The following PIK3R4 variants were observed in gnomAD, a reference collection of about 807,000 sequenced individuals.
PIK3R4 encodes phosphoinositide 3-kinase regulatory subunit 4.
A neutral mutation model predicts 136.5 loss-of-function variants in PIK3R4; 46 were observed. The ratio of observed to expected loss-of-function variants is 0.34; its 90% CI spans 0.27 to 0.43. The LOEUF (loss-of-function observed/expected upper bound fraction) is 0.43. Among genes scored for constraint, PIK3R4 ranks in the 20% least tolerant of loss-of-function variants. PIK3R4 has a pLI of 1.00. For missense variants in PIK3R4, 1,331 were observed against 1,649.5 expected, an observed-to-expected ratio of 0.81 and a Z score of 3.35; for synonymous variants, 557 against 566.7, an observed-to-expected ratio of 0.98 and a Z score of 0.24.
At chr3:130,689,709 C>T (rs1023649802) in intron 14 of PIK3R4, among the ~76,000 whole-genome samples, 1 of 152,200 alleles carries the variant, frequency 6.6e-6, no homozygotes, top group African/African-American at 2.4e-5. Flanking sequence ...CTAACTCACA[C>T]CTGGTCTTGC....
chr3:130,724,224 C>T (rs1472745584), intron 6 of PIK3R4, among the ~76,000 whole-genome samples: 1 of 152,134 alleles, frequency 6.6e-6, no homozygotes, highest in Non-Finnish European at 1.5e-5. Flanking sequence ...CAATTTATTA[C>T]TTTTCTTTCT....
intron 11 of PIK3R4, among the ~76,000 whole-genome samples, chr3:130,706,122 A>G (rs1325656694): frequency 6.6e-6 from 1 of 152,204 alleles, no homozygotes; most frequent in Admixed American, 6.5e-5. Context: ...TTAAGATATG[A>G]CTGACTAGGA....
intron 6 of PIK3R4, among the ~76,000 whole-genome samples, chr3:130,725,023 C>A (rs1467594008): frequency 1.3e-5 from 2 of 151,836 alleles, no homozygotes; most frequent in Non-Finnish European, 2.9e-5. Context: ...TTCTAAAAGC[C>A]TATTTCCTTT....
intron 10 of PIK3R4, 51 bp from the exon 11 acceptor site, chr3:130,707,186 T>C: frequency 1.5e-6 from 2 of 1,311,450 alleles, no homozygotes; most frequent in East Asian, 2.4e-5. Flanking sequence ...TTTAAAACCA[T>C]TATGTGCTTT....
At chr3:130,734,738 TG>T (rs35380557) in intron 3 of PIK3R4, among the ~76,000 whole-genome samples, 45,255 of 152,078 alleles carry the variant, frequency 0.3, 7,844 homozygotes, top group African/African-American at 0.47. Context: ...ATTTATCCTA[TG>T]GTTTTCTAGT....
chr3:130,709,350 T>TA (rs2066622317), intron 9 of PIK3R4, among the ~76,000 whole-genome samples: 1 of 152,082 alleles, frequency 6.6e-6, no homozygotes, highest in Non-Finnish European at 1.5e-5. Flanking sequence ...TGTAAAGGAA[T>TA]AAAAAACATT....
intron 19 of PIK3R4, 193 bp downstream of exon 19, chr3:130,680,420 A>G (rs78231667): frequency 2.4e-6 from 1 of 410,978 alleles, no homozygotes; most frequent in Non-Finnish European, 4.4e-6. Context: ...GCTATTACTT[A>G]TATGCACTTT....
At chr3:130,739,981 C>G (rs1006867222) in intron 2 of PIK3R4, among the ~76,000 whole-genome samples, 2 of 152,148 alleles carry the variant, frequency 1.3e-5, no homozygotes, top group Non-Finnish European at 2.9e-5. Flanking sequence ...CTGGTGAAAA[C>G]TGAGTAAGGG....
chr3:130,709,025 A>G (rs1428101802), intron 9 of PIK3R4, among the ~76,000 whole-genome samples: 1 of 152,158 alleles, frequency 6.6e-6, no homozygotes, highest in East Asian at 1.9e-4. Context: ...TGCAAATGTG[A>G]GCAACAAACC....
intron 17 of PIK3R4, 101 bp downstream of exon 17, chr3:130,681,390 T>C: frequency 2.5e-6 from 2 of 801,982 alleles, no homozygotes; most frequent in Non-Finnish European, 2.1e-6. Context: ...AATTTAAACA[T>C]AACCCAAAAG....
intron 8 of PIK3R4, among the ~76,000 whole-genome samples, chr3:130,717,816 A>G (rs4682631): frequency 0.36 from 54,272 of 152,060 alleles, 12,709 homozygotes; most frequent in African/African-American, 0.66. Context: ...TATCTTGATA[A>G]TTTGCTGTCT....
intron 7 of PIK3R4, among the ~76,000 whole-genome samples, chr3:130,723,121 A>G (rs999256995): frequency 1.3e-5 from 2 of 149,992 alleles, no homozygotes; most frequent in African/African-American, 4.9e-5. Context: ...AAAGAAAGCC[A>G]AAACAAAAAC....
At chr3:130,706,155 C>T (rs1363841841) in intron 11 of PIK3R4, among the ~76,000 whole-genome samples, 1 of 152,140 alleles carries the variant, frequency 6.6e-6, no homozygotes, top group African/African-American at 2.4e-5. Context: ...AAATTACAAA[C>T]TTATTTCAAA....
At chr3:130,702,475 T>C (rs978172744) in intron 13 of PIK3R4, among the ~76,000 whole-genome samples, 1 of 152,166 alleles carries the variant, frequency 6.6e-6, no homozygotes, top group African/African-American at 2.4e-5. Context: ...CTTAAGTAAA[T>C]TTTTAAATTA....
chr3:130,732,313 T>C (rs79206244), intron 4 of PIK3R4, among the ~76,000 whole-genome samples: 2,952 of 152,268 alleles, frequency 0.019, 95 homozygotes, highest in African/African-American at 0.067. Context: ...TGAGTGTCAA[T>C]ATGTTAATAT....
chr3:130,681,115 T>C (rs764746179), intron 17 of PIK3R4, 50 bp from the exon 18 acceptor site: 1 of 985,498 alleles, frequency 1.0e-6, no homozygotes, highest in East Asian at 2.4e-5. Context: ...GTGTATTCCA[T>C]AAATGATAGT....
rs143143934 is a variant in PIK3R4, at chr3:130,717,660, C to T, written c.2127+729G>A. 9.8e-5 allele frequency among the ~76,000 whole-genome samples: 15 copies of T among 152,300 alleles called. No individual in the cohort carries two copies. In the East Asian group the frequency reaches 2.9e-3, roughly 29 times the overall value. ...TCCAGAGTTTATCCAAGGCCATTTT[C>T]TCCAAAGGGAAGGCACATTGAAATA... On this transcript the variant is annotated intron_variant, in intron 8 of 19. Transcript: ENST00000356763.
At position 130,746,448 on chromosome 3, in the gene PIK3R4, G is replaced by A. The variant is rs569126075; in HGVS notation, c.-177C>T. ...TTTCTACGAAGGGTCTTTCTTCATA[G>A]ACAGGAGATGGGCTGTTGGTGGAGG... On this transcript the variant is annotated 5_prime_UTR_variant, in exon 1 of 20. Transcript: ENST00000356763. 2.0e-5 allele frequency: 3 copies of A among 152,402 alleles called. No homozygotes were observed. Among genetic ancestry groups the A allele is most frequent in the East Asian group, 1.9e-4 (1 of 5,186 alleles). 9.4% of individuals were successfully genotyped at this position (152,402 alleles called of 1,614,324 possible). A position where few individuals can be genotyped will look rare whatever the true frequency, so the allele number is the denominator to read the frequency against.
Position 130,723,444 on chromosome 3 carries a change from GT to G in PIK3R4, c.1950del (p.Lys650AsnfsTer33). 1 of 1,605,500 alleles carries G rather than the reference GT, an allele frequency of 6.2e-7. No individual in the cohort carries two copies. On this transcript the variant is annotated frameshift_variant, in exon 7 of 20. Transcript: ENST00000356763. LOFTEE classifies it high-confidence loss of function. The part of the protein sequence containing the change: ...TCMCQLGLLQ[K>X]PHVYEFASDI... ...TCACTGGCAAATTCGTAAACATGGG[GT>G]TTTTGTAGCAGTCCTAACTGGCACA...
Sources: allele counts gnomAD v4.1 joint callset (sites outside exome capture counted in the v4.1 genomes callset), GRCh38; gene constraint gnomAD v4.1.1; transcripts MANE v1.5; gene names NCBI Gene and HGNC (gene_info 2026-07-23, HGNC 2026-07-21).